The following KRT10 variants were observed in gnomAD, a reference collection of about 807,000 sequenced individuals.
KRT10 encodes keratin 10, also known as keratin, type I cytoskeletal 10.
A neutral mutation model predicts 59.2 loss-of-function variants in KRT10; 40 were observed. That is an observed-to-expected ratio of 0.68 (90% confidence interval 0.52 to 0.88). The LOEUF (loss-of-function observed/expected upper bound fraction) is 0.88. Ranked by LOEUF, KRT10 falls within the 40% of genes least tolerant of loss-of-function variation. The pLI, the probability that KRT10 is intolerant of heterozygous loss-of-function variation, is 0.00. For synonymous variants in KRT10, 336 were observed against 310.7 expected (o/e 1.08, Z -0.86); for missense variants, 719 against 749.1 (o/e 0.96, Z 0.47).
rs780472942 is a variant in KRT10, at chr17:40,820,687, A to G, written c.711-20T>C. ...TCATACCTGAAACAAGCATGATATC[A>G]ATACTGGTTATAACTTATATAGGGG... On this transcript the variant is annotated intron_variant, in intron 2 of 7. Transcript: ENST00000269576. 3.7e-6 allele frequency: 6 copies of G among 1,613,816 alleles called. No individual in the cohort carries two copies. The South Asian group carries it at 6.6e-5, about 18-fold the overall frequency.
Position 40,818,942 on chromosome 17 carries a change from A to ACCGTAGCCGCCGCTGGAACTGCCG in KRT10, c.1569_1592dup (p.Ser525_Gly532dup), listed in dbSNP as rs1174823534. ...CGCCGCCGCCGCCGGAACTGCCACCACCGTAGCCGCCGCTGGAACTGCCGC... is the reference window on the plus strand; with the variant it reads ...CGCCGCCGCCGCCGGAACTGCCACCACCGTAGCCGCCGCTGGAACTGCCGCCGTAGCCGCCGCTGGAACTGCCGC... On this transcript the variant is annotated inframe_insertion, in exon 7 of 8. Coordinates refer to ENST00000269576, the MANE Select transcript of KRT10 (RefSeq NM_000421.5). 557 of 1,223,124 alleles carry ACCGTAGCCGCCGCTGGAACTGCCG rather than the reference A, an allele frequency of 4.6e-4. 4 individuals are homozygous for ACCGTAGCCGCCGCTGGAACTGCCG. The African/African-American group carries it at 0.015, about 32-fold the overall frequency. The allele number at this position is 1,223,124 out of a possible 1,614,324, so 75.8% of individuals were successfully genotyped here. A position where few individuals can be genotyped will look rare whatever the true frequency, so the allele number is the denominator to read the frequency against.
At position 40,819,595 on chromosome 17, in the gene KRT10, T is replaced by C. The variant is rs1490852781; in HGVS notation, c.1295A>G (p.Tyr432Cys). ...GATCTTAATATCCAGGAGTTGTTGG[T>C]ATTCAGTATTCTGGCACTCGGTTTC... ...RAETECQNTE[Y>C]QQLLDIKIRL... Residue 432 changes from tyrosine (Y) to cysteine (C), a missense_variant, in exon 6 of 8, where the codon TAC (tyrosine) becomes TGC (cysteine). By Grantham distance (194) the Tyr-to-Cys change is radical. Around this residue, in one of 4 missense-constraint regions of KRT10, gnomAD observed 315 missense variants for 270.6 expected, o/e 1.16. Transcript: ENST00000269576. 1.2e-6 allele frequency: 2 copies of C among 1,614,260 alleles called. No individual in the cohort carries two copies. Among genetic ancestry groups the C allele is most frequent in the Non-Finnish European group, 8.5e-7 (1 of 1,180,034 alleles).
chr17:40,818,768 C>G lies in KRT10; in HGVS notation c.1748+19G>C. 3.2e-6 allele frequency: 5 copies of G among 1,569,384 alleles called. No individual in the cohort carries two copies. The highest frequency in any genetic ancestry group is 3.4e-6 in the Non-Finnish European group (4 of 1,166,494). The stretch of plus-strand genomic sequence containing the variant: ...GAAGTTAAAACTAATTCTGATTACC[C>G]CAGCTAGTTTCTGCTGACCTTGGTC... On this transcript the variant is annotated intron_variant, in intron 7 of 7. Coordinates refer to ENST00000269576, the MANE Select transcript of KRT10 (RefSeq NM_000421.5).
Position 40,820,536 on chromosome 17 carries a change from G to A in KRT10, c.842C>T (p.Ala281Val). The A allele has an allele frequency of 6.2e-7, 1 of 1,614,164 alleles. No homozygotes were observed. The highest frequency in any genetic ancestry group is 1.1e-5 in the South Asian group (1 of 91,082). Residue 281 changes from alanine (A) to valine (V), a missense_variant, in exon 3 of 8, where the codon GCC (alanine) becomes GTC (valine). Physicochemically the swap from Ala to Val is moderately conservative, Grantham distance 64. Coordinates refer to ENST00000269576, the MANE Select transcript of KRT10 (RefSeq NM_000421.5). ...MQIESLTEEL[A>V]YLKKNHEEEM... ...CTCCTCGTGGTTCTTCTTCAGATAG[G>A]CCAGCTCTTCAGTCAGGCTCTCAAT... is the stretch of plus-strand genomic sequence containing the variant.
rs142158041 is a variant in KRT10 at position 40,822,575 on chromosome 17, C to G, written c.11G>C (p.Arg4Pro). Residue 4 changes from arginine (R) to proline (P), a missense_variant, in exon 1 of 8, where the codon CGA becomes CCA. By Grantham distance (103) the Arg-to-Pro change is moderately radical (BLOSUM62 -2). Transcript: ENST00000269576. MSV[R>P]YSSSKHYSSS... ...AGAGTAGTGCTTGCTTGAGCTGTAT[C>G]GAACAGACATGGTGATGCTGTTTAG... 9.6e-5 allele frequency: 154 copies of G among 1,601,564 alleles called. No homozygotes were observed. Among genetic ancestry groups the G allele is most frequent in the South Asian group, 8.1e-4 (74 of 91,072 alleles).
In KRT10 at chr17:40,818,383, T is replaced by C. The variant is rs1905144585; in HGVS notation, c.*93A>G. The C allele has an allele frequency of 9.5e-6, 15 of 1,575,718 alleles. No homozygotes were observed. The highest frequency in any genetic ancestry group is 4.5e-5 in the South Asian group (4 of 89,140). On this transcript the variant is annotated 3_prime_UTR_variant, in exon 8 of 8. Transcript: ENST00000269576. ...CTTTCCTCTTGATGCAGTTTAATAG[T>C]AGTGTTTCTTGGTTTCTGATTCAAC...
Position 40,822,594 on chromosome 17 carries a change from T to C in KRT10, c.-9A>G, listed in dbSNP as rs1427879955. 6.2e-7 allele frequency: 1 copy of C among 1,600,132 alleles called. No individual in the cohort carries two copies. Among genetic ancestry groups the C allele is most frequent in the Non-Finnish European group, 8.5e-7 (1 of 1,179,936 alleles). On this transcript the variant is annotated 5_prime_UTR_variant, in exon 1 of 8. Coordinates refer to ENST00000269576, the MANE Select transcript of KRT10 (RefSeq NM_000421.5). ...CTGTATCGAACAGACATGGTGATGC[T>C]GTTTAGCCCAGGGAGTGCCTGCTAC...
chr17:40,821,098 T>C lies in KRT10; in HGVS notation c.647A>G (p.Asp216Gly). 6.2e-7 allele frequency: 1 copy of C among 1,613,964 alleles called. No homozygotes were observed. Among genetic ancestry groups the C allele is most frequent in the South Asian group, 1.1e-5 (1 of 91,070 alleles). ...LKNQILNLTT[D>G]NANILLQIDN... ...GATCTGAAGCAGGATGTTGGCATTATCAGTTGTTAGGTTGAGAATCTGGAG... is the reference window on the plus strand; with the variant it reads ...GATCTGAAGCAGGATGTTGGCATTACCAGTTGTTAGGTTGAGAATCTGGAG... The change falls in exon 2 of 8, where the codon GAT becomes GGT. Residue 216 changes from aspartate to glycine, a missense_variant. Around this residue, in one of 4 missense-constraint regions of KRT10, gnomAD observed 221 missense variants for 277.8 expected, o/e 0.80. Transcript: ENST00000269576.
In KRT10 at chr17:40,819,005, GCCGGAGCTTCCGC is replaced by G; in HGVS notation, c.1517_1529del (p.Gly506AlafsTer109). ...TGGAGCTTCCGCCCCCGTAGCCGCC[GCCGGAGCTTCCGC>G]CGCCGGAGCTTCCGCCTCCGTAGCC... On this transcript the variant is annotated frameshift_variant, in exon 7 of 8. Transcript: ENST00000269576. LOFTEE classifies it high-confidence loss of function. 7.8e-7 allele frequency: 1 copy of G among 1,286,482 alleles called. No individual in the cohort carries two copies. Among genetic ancestry groups the G allele is most frequent in the South Asian group, 1.7e-5 (1 of 58,440 alleles). 79.7% of individuals were successfully genotyped at this position (1,286,482 alleles called of 1,614,324 possible). A position where few individuals can be genotyped will look rare whatever the true frequency, so the allele number is the denominator to read the frequency against.
At chr17:40,819,280 G>A (rs887348974) in intron 6 of KRT10, 119 bp from the exon 7 acceptor site, 24 of 1,547,154 alleles carry the variant, frequency 1.6e-5, no homozygotes, top group Non-Finnish European at 2.0e-5. Context: ...ACCCTGCCAG[G>A]TATATATTTT....
rs1905460690 is a variant in KRT10, at chr17:40,822,292, A to G, written c.294T>C (p.Tyr98=). 6.3e-7 allele frequency: 1 copy of G among 1,595,464 alleles called. No homozygotes were observed. Among genetic ancestry groups the G allele is most frequent in the Non-Finnish European group, 8.5e-7 (1 of 1,169,666 alleles). ...SYGSSSFGGS[Y]GGIFGGGSFG... The stretch of plus-strand genomic sequence containing the variant: ...AACTGCCCCCTCCAAAGATGCCTCC[A>G]TAACTCCCACCAAAGCTGCTACTTC... The change falls in exon 1 of 8, where the codon TAT becomes TAC. Residue 98 remains tyrosine (Y), a synonymous_variant. Transcript: ENST00000269576.
At position 40,820,335 on chromosome 17, in the gene KRT10, T is replaced by C. The variant is rs2143139535; in HGVS notation, c.956A>G (p.Asn319Ser). 2.5e-6 allele frequency: 4 copies of C among 1,614,218 alleles called. No individual in the cohort carries two copies. The highest frequency in any genetic ancestry group is 3.4e-6 in the Non-Finnish European group (4 of 1,180,032). Residue 319 changes from asparagine (N) to serine (S), a missense_variant, in exon 4 of 8, where the codon AAT becomes AGT. Asn to Ser is a conservative substitution (Grantham distance 46). This residue lies in a region of KRT10 where 221 missense variants were observed against 277.8 expected (regional missense o/e 0.80). Transcript: ENST00000269576. ...TTGTTCATATTGGCTTCTCATGTTA[T>C]TCAGAAGTTGAGTCAGATCAACACC... ...APGVDLTQLL[N>S]NMRSQYEQLA...
In KRT10 at chr17:40,819,039, T is replaced by G. The variant is rs1371690509; in HGVS notation, c.1496A>C (p.Tyr499Ser). ...TCCGCCGCCGGAGCTTCCGCCTCCGTAGCCGCCGCCGGAACTGCCGCCGTG... is the reference window on the plus strand; with the variant it reads ...TCCGCCGCCGGAGCTTCCGCCTCCGGAGCCGCCGCCGGAACTGCCGCCGTG... ...GGHGGSSGGG[Y>S]GGGSSGGGSS... The change falls in exon 7 of 8, where the codon TAC (tyrosine) becomes TCC (serine). Residue 499 changes from tyrosine to serine, a missense_variant. Physicochemically the swap from Tyr to Ser is moderately radical, Grantham distance 144. Transcript: ENST00000269576. The G allele has an allele frequency of 1.1e-5, 14 of 1,309,274 alleles. No individual in the cohort carries two copies. The highest frequency in any genetic ancestry group is 3.1e-5 in the South Asian group (2 of 64,152). The allele number at this position is 1,309,274 out of a possible 1,614,324, so 81.1% of individuals were successfully genotyped here. A position where few individuals can be genotyped will look rare whatever the true frequency, so the allele number is the denominator to read the frequency against.
rs1905187180 is a variant in KRT10, at chr17:40,818,911, AGCCGCCGCCGCCGCCGCCGGAAC to A, written c.1601_1623del (p.Ser534IlefsTer39). Reference sequence around the variant, plus strand: ...CCGCCGCCGGAGCTGCCGCCCCCGTAGCCGCCGCCGCCGCCGCCGGAACTGCCACCACCGTAGCCGCCGCTGGA... The same window carrying A: ...CCGCCGCCGGAGCTGCCGCCCCCGTATGCCACCACCGTAGCCGCCGCTGGA... On this transcript the variant is annotated frameshift_variant, in exon 7 of 8. Coordinates refer to ENST00000269576, the MANE Select transcript of KRT10 (RefSeq NM_000421.5). LOFTEE classifies it high-confidence loss of function. 1 of 1,204,120 alleles carries A rather than the reference AGCCGCCGCCGCCGCCGCCGGAAC, an allele frequency of 8.3e-7. No homozygotes were observed. Among genetic ancestry groups the A allele is most frequent in the African/African-American group, 2.9e-5 (1 of 34,488 alleles). The allele number at this position is 1,204,120 out of a possible 1,614,324, so 74.6% of individuals were successfully genotyped here.
chr17:40,820,274 C>A lies in KRT10; in HGVS notation c.1017G>T (p.Trp339Cys). The A allele has an allele frequency of 1.9e-6, 3 of 1,614,164 alleles. No homozygotes were observed. The highest frequency in any genetic ancestry group is 2.7e-5 in the African/African-American group (2 of 75,018). The change falls in exon 4 of 8, where the codon TGG (tryptophan) becomes TGT (cysteine). Residue 339 changes from tryptophan to cysteine, a missense_variant. By Grantham distance (215) the Trp-to-Cys change is radical. Coordinates refer to ENST00000269576, the MANE Select transcript of KRT10 (RefSeq NM_000421.5). ...AAGATTACTTTACCTTTTCATTGAA[C>A]CAGGCTTCAGCATCTTTGCGGTTTT... ...AEQNRKDAEA[W>C]FNEKSKELTT...
At chr17:40,819,422 C>G in intron 6 of KRT10, 95 bp downstream of exon 6, 3 of 1,345,490 alleles carry the variant, frequency 2.2e-6, no homozygotes, top group African/African-American at 2.9e-5. Flanking sequence ...CTCCCTTCCT[C>G]TCATTCTCTG....
At position 40,818,881 on chromosome 17, in the gene KRT10, TGCTGCCGCCGCCGGA is replaced by T. The variant is rs752563839; in HGVS notation, c.1639_1653del (p.Gly548_Ser552del). The T allele has an allele frequency of 1.2e-4, 181 of 1,526,514 alleles. 1 individual carries two copies. The highest frequency in any genetic ancestry group is 3.7e-4 in the South Asian group (31 of 82,936). The allele number at this position is 1,526,514 out of a possible 1,614,324, so 94.6% of individuals were successfully genotyped here. On this transcript the variant is annotated inframe_deletion, in exon 7 of 8. Transcript: ENST00000269576. ...CCGCCGCCGTATCCGCCGCCGGAGCTGCTGCCGCCGCCGGAGCTGCCGCCCCCGTAGCCGCCGCCG... is the reference window on the plus strand; with the variant it reads ...CCGCCGCCGTATCCGCCGCCGGAGCTGCTGCCGCCCCCGTAGCCGCCGCCG...
At position 40,818,881 on chromosome 17, in the gene KRT10, T is replaced by A; in HGVS notation, c.1654A>T (p.Ser552Cys). Residue 552 changes from serine to cysteine, a missense_variant, in exon 7 of 8, where the codon AGC (serine) becomes TGC (cysteine). This residue lies in a region of KRT10 where 315 missense variants were observed against 270.6 expected (regional missense o/e 1.16). Coordinates refer to ENST00000269576, the MANE Select transcript of KRT10 (RefSeq NM_000421.5). ...CCGCCGCCGTATCCGCCGCCGGAGC[T>A]GCTGCCGCCGCCGGAGCTGCCGCCC... ...YGGGSSGGGS[S>C]SGGGYGGGSS... 1 of 1,526,550 alleles carries A rather than the reference T, an allele frequency of 6.6e-7. No homozygotes were observed. The highest frequency in any genetic ancestry group is 8.8e-7 in the Non-Finnish European group (1 of 1,142,470). The allele number at this position is 1,526,550 out of a possible 1,614,324, so 94.6% of individuals were successfully genotyped here. A position where few individuals can be genotyped will look rare whatever the true frequency, so the allele number is the denominator to read the frequency against.
chr17:40,820,889 T>A, intron 2 of KRT10, 146 bp downstream of exon 2: 4 of 886,482 alleles, frequency 4.5e-6, no homozygotes, highest in Non-Finnish European at 7.1e-6. Flanking sequence ...AACACTGACA[T>A]GGAAAATTTC....
Sources: allele counts gnomAD v4.1 joint callset, GRCh38; gene constraint gnomAD v4.1.1; regional missense constraint gnomAD v4.1.1; transcripts MANE v1.5; gene names NCBI Gene and HGNC (gene_info 2026-07-23, HGNC 2026-07-21).